Variants in ANKS1B observed in about 807,000 individuals in gnomAD.
ANKS1B encodes the protein ankyrin repeat and sterile alpha motif domain-containing protein 1B.
Under a neutral mutation model 148.3 loss-of-function variants are expected in ANKS1B, and 36 were observed. The observed-to-expected ratio is 0.24, with a 90% CI of 0.19 to 0.32. The LOEUF (loss-of-function observed/expected upper bound fraction) is 0.32. ANKS1B is among the 10% of genes least tolerant of loss of function. The probability of loss-of-function intolerance (pLI) is 1.00; values close to 1 mark genes in which losing one functional copy is unlikely to be tolerated. For synonymous variants in ANKS1B, 542 were observed against 560.8 expected (o/e 0.97, Z 0.47); for missense variants, 1,157 against 1,542.6 (o/e 0.75, Z 4.19).
chr12:98,895,260 T>A, intron 17 of ANKS1B: 2 of 985,406 alleles, frequency 2.0e-6, no homozygotes, highest in Non-Finnish European at 2.4e-6. Flanking sequence ...CACTCGCTGC[T>A]GCTGGGCGCC....
At chr12:98,786,573 A>G (rs1042491861) in intron 22 of ANKS1B, among the ~76,000 whole-genome samples, 1 of 152,222 alleles carries the variant, frequency 6.6e-6, no homozygotes, top group Non-Finnish European at 1.5e-5. Flanking sequence ...GCATGTTCTG[A>G]AAATAAGTAG....
intron 12 of ANKS1B, among the ~76,000 whole-genome samples, chr12:99,387,731 C>T (rs12306019): frequency 0.14 from 21,324 of 151,346 alleles, 1,662 homozygotes; most frequent in African/African-American, 0.2. Flanking sequence ...GCTGGTGCCT[C>T]GGTGTGGCCT....
chr12:99,043,599 T>C (rs1207650990), intron 17 of ANKS1B, among the ~76,000 whole-genome samples: 2 of 152,328 alleles, frequency 1.3e-5, no homozygotes, highest in East Asian at 1.9e-4. Flanking sequence ...TTTCCTTAAG[T>C]TCAAAAAGAT....
At chr12:99,767,321 A>C (rs2062745126) in intron 8 of ANKS1B, among the ~76,000 whole-genome samples, 1 of 152,118 alleles carries the variant, frequency 6.6e-6, no homozygotes, top group African/African-American at 2.4e-5. Context: ...AGAGAAAAAA[A>C]TACATAACAC....
At chr12:99,210,934 A>C (rs544527068) in intron 14 of ANKS1B, among the ~76,000 whole-genome samples, 2 of 152,340 alleles carry the variant, frequency 1.3e-5, no homozygotes, top group African/African-American at 4.8e-5. Context: ...GCCATCTCTC[A>C]AACTTCAAAT....
intron 9 of ANKS1B, among the ~76,000 whole-genome samples, chr12:99,525,811 A>G (rs1305077138): frequency 6.6e-6 from 1 of 152,176 alleles, no homozygotes; most frequent in Non-Finnish European, 1.5e-5. Flanking sequence ...CCAAGGTTGT[A>G]CAGAAAAAGA....
At chr12:99,893,226 C>T (rs537028849) in intron 1 of ANKS1B, among the ~76,000 whole-genome samples, 2 of 152,012 alleles carry the variant, frequency 1.3e-5, no homozygotes, top group South Asian at 4.2e-4. Context: ...CTGGATAACA[C>T]AGTGAAACCC....
chr12:99,659,463 C>T lies in ANKS1B; in HGVS notation c.1129-4253G>A, dbSNP rs541236994. Among the ~76,000 whole-genome samples the T allele has an allele frequency of 3.3e-5, 5 of 152,022 alleles. No individual in the cohort carries two copies. In the East Asian group the frequency reaches 5.8e-4, roughly 18 times the overall value. On this transcript the variant is annotated intron_variant, in intron 8 of 26. Transcript: ENST00000683438. ...CCCATTAGCTTTCTTGGTTATTACACGGTAATAAAGAAAGACTGGACCAAT... is the reference window on the plus strand; with the variant it reads ...CCCATTAGCTTTCTTGGTTATTACATGGTAATAAAGAAAGACTGGACCAAT...
At chr12:98,975,294 C>A in intron 17 of ANKS1B, among the ~76,000 whole-genome samples, 1 of 143,540 alleles carries the variant, frequency 7.0e-6, no homozygotes, top group Middle Eastern at 3.7e-3. Flanking sequence ...TTTTCTCTAC[C>A]TCCCTCCCTC....
chr12:99,171,461 C>T (rs1167734175), intron 14 of ANKS1B, among the ~76,000 whole-genome samples: 5 of 152,122 alleles, frequency 3.3e-5, no homozygotes, highest in South Asian at 4.1e-4. Flanking sequence ...TGGATCATAA[C>T]GCCGAGATTT....
intron 12 of ANKS1B, among the ~76,000 whole-genome samples, chr12:99,315,375 A>G (rs1480995598): frequency 1.3e-5 from 2 of 152,170 alleles, no homozygotes; most frequent in Non-Finnish European, 2.9e-5. Flanking sequence ...ACAAGAAAAA[A>G]ACAACCCCAT....
At chr12:99,815,170 T>G (rs1172955783) in intron 2 of ANKS1B, among the ~76,000 whole-genome samples, 2 of 151,808 alleles carry the variant, frequency 1.3e-5, no homozygotes, top group Non-Finnish European at 2.9e-5. Flanking sequence ...CACTTAGAAT[T>G]TCATTTGTTC....
At position 99,966,910 on chromosome 12, in the gene ANKS1B, G is replaced by T. The variant is rs543763531; in HGVS notation, c.134+17194C>A. 2.0e-5 allele frequency among the ~76,000 whole-genome samples: 3 copies of T among 152,092 alleles called. No homozygotes were observed. The East Asian group carries it at 5.8e-4, about 29-fold the overall frequency. The stretch of plus-strand genomic sequence containing the variant: ...ATAGAAAACAAATACTAAATCTTTG[G>T]TGACCAGTACCACTCCTAAAAGCAA... On this transcript the variant is annotated intron_variant, in intron 1 of 26. Transcript: ENST00000683438.
At chr12:99,306,345 G>C (rs2082336523) in intron 12 of ANKS1B, among the ~76,000 whole-genome samples, 1 of 152,026 alleles carries the variant, frequency 6.6e-6, no homozygotes, top group African/African-American at 2.4e-5. Context: ...GTAAATCTCT[G>C]TTGTAACCCC....
At position 99,316,496 on chromosome 12, in the gene ANKS1B, T is replaced by C. The variant is rs12580959; in HGVS notation, c.1757-69632A>G. Among the ~76,000 whole-genome samples the C allele has an allele frequency of 3.5e-3, 533 of 152,340 alleles. 33 individuals are homozygous for C. The East Asian group carries it at 0.084, about 24-fold the overall frequency. ...TTTGAGAAGTGTCTGTTCATATCCT[T>C]TGACCACTTTTTGATGGGGTTGTTT... On this transcript the variant is annotated intron_variant, in intron 12 of 26. Coordinates refer to ENST00000683438, the MANE Select transcript of ANKS1B (RefSeq NM_001352186.2).
chr12:99,935,092 A>T (rs1223633214), intron 1 of ANKS1B, among the ~76,000 whole-genome samples: 1 of 152,184 alleles, frequency 6.6e-6, no homozygotes, highest in Non-Finnish European at 1.5e-5. Context: ...TTTACAAAAC[A>T]AAGTTAAACG....
intron 1 of ANKS1B, among the ~76,000 whole-genome samples, chr12:99,930,420 G>C (rs1179161966): frequency 2.0e-5 from 3 of 152,140 alleles, no homozygotes; most frequent in Non-Finnish European, 4.4e-5. Context: ...GGGTTTTCTA[G>C]ATATACAATC....
chr12:99,320,839 C>A (rs561675979), intron 12 of ANKS1B, among the ~76,000 whole-genome samples: 2 of 152,078 alleles, frequency 1.3e-5, no homozygotes, highest in Non-Finnish European at 2.9e-5. Context: ...GTTTTATCTA[C>A]CTTTGGTCTT....
At chr12:99,409,545 G>C (rs2094620899) in intron 11 of ANKS1B, among the ~76,000 whole-genome samples, 1 of 152,024 alleles carries the variant, frequency 6.6e-6, no homozygotes, top group Non-Finnish European at 1.5e-5. Flanking sequence ...AAATGCTTGA[G>C]TTGATGAACA....
Sources: allele counts gnomAD v4.1 joint callset (sites outside exome capture counted in the v4.1 genomes callset), GRCh38; gene constraint gnomAD v4.1.1; transcripts MANE v1.5; gene names NCBI Gene and HGNC (gene_info 2026-07-23, HGNC 2026-07-21).